MPDZ: variants seen among roughly 807,000 people sequenced by gnomAD.
The protein encoded by MPDZ is multiple PDZ domain protein.
MPDZ carries 234 observed loss-of-function variants against 239.1 expected under a neutral mutation model. That is an observed-to-expected ratio of 0.98 (90% CI 0.88 to 1.09). MPDZ has a LOEUF of 1.09. Ranked by LOEUF, MPDZ falls within the 50% of genes least tolerant of loss-of-function variation. MPDZ has a pLI of 0.00. For missense variants in MPDZ, 3,175 were observed against 2,510.0 expected, an observed-to-expected ratio of 1.26 and a Z score of -5.66; for synonymous variants, 1,048 against 881.3, an observed-to-expected ratio of 1.19 and a Z score of -3.35.
rs369089372 is a variant in MPDZ, at chr9:13,240,704, T to C, written c.183+6931A>G. ...TATGTTATACAAGCTAACCCCCAATTTCCTCACTGGATAAAATGAGGACAA... is the reference window on the plus strand; with the variant it reads ...TATGTTATACAAGCTAACCCCCAATCTCCTCACTGGATAAAATGAGGACAA... On this transcript the variant is annotated intron_variant, in intron 3 of 46. Coordinates refer to ENST00000319217, the MANE Select transcript of MPDZ (RefSeq NM_001378778.1). Among the ~76,000 whole-genome samples the C allele has an allele frequency of 2.6e-5, 4 of 151,696 alleles. No homozygotes were observed. In the East Asian group the frequency reaches 5.8e-4, roughly 22 times the overall value.
intron 12 of MPDZ, among the ~76,000 whole-genome samples, chr9:13,203,150 AT>A (rs1460112378): frequency 6.6e-6 from 1 of 152,216 alleles, no homozygotes; most frequent in Non-Finnish European, 1.5e-5. Flanking sequence ...ATGTACAATT[AT>A]TATAGGTCAA....
intron 1 of MPDZ, among the ~76,000 whole-genome samples, chr9:13,252,805 C>T (rs1968446042): frequency 6.6e-6 from 1 of 151,782 alleles, no homozygotes; most frequent in South Asian, 2.1e-4. Context: ...CCCAGGGCTA[C>T]AAAAGTATGT....
intron 18 of MPDZ, 79 bp from the exon 19 acceptor site, chr9:13,183,664 A>G: frequency 7.4e-7 from 1 of 1,344,164 alleles, no homozygotes; most frequent in Non-Finnish European, 1.0e-6. Context: ...TGAGACTAAA[A>G]GGCAAACTGG....
intron 30 of MPDZ, among the ~76,000 whole-genome samples, 168 bp from the exon 31 acceptor site, chr9:13,136,350 G>C (rs1430561045): frequency 6.5e-5 from 1 of 15,472 alleles, no homozygotes; most frequent in Non-Finnish European, 1.2e-4. Flanking sequence ...TTTTTTTTTT[G>C]AGACAGAGTC....
intron 4 of MPDZ, 132 bp downstream of exon 4, chr9:13,224,242 C>T (rs1587928460): frequency 1.2e-6 from 1 of 832,810 alleles, no homozygotes; most frequent in East Asian, 2.6e-5. Flanking sequence ...TAAACTCCCA[C>T]AAAACTGACT....
intron 3 of MPDZ, among the ~76,000 whole-genome samples, chr9:13,234,460 T>G (rs1234993004): frequency 6.6e-6 from 1 of 152,112 alleles, no homozygotes. Flanking sequence ...GGATCAAACT[T>G]TATTTCATAA....
chr9:13,268,022 G>A (rs1352610335), intron 1 of MPDZ, among the ~76,000 whole-genome samples: 1 of 152,004 alleles, frequency 6.6e-6, no homozygotes, highest in Non-Finnish European at 1.5e-5. Context: ...TGTAAGATAA[G>A]GTATTCAAAA....
intron 25 of MPDZ, among the ~76,000 whole-genome samples, chr9:13,148,135 CA>C (rs1948677988): frequency 1.3e-5 from 2 of 151,936 alleles, no homozygotes; most frequent in African/African-American, 4.8e-5. Context: ...TTCTGATATC[CA>C]GAAAAATCAG....
chr9:13,120,786 A>G (rs1171412493), intron 38 of MPDZ: 2 of 152,204 alleles, frequency 1.3e-5, no homozygotes, highest in Non-Finnish European at 2.9e-5. Flanking sequence ...TGAAATAAAG[A>G]TCACCATTTC....
rs766220806 is a variant in MPDZ, at chr9:13,190,228, C to G, written c.2040G>C (p.Ala680=). Residue 680 remains alanine (A), a synonymous_variant, in exon 16 of 47, where the codon GCG becomes GCC. Transcript: ENST00000319217. ...CTTGAACCTCTTCTGTACTCTGACC[C>G]GCATCAGTCATCGCCAGCACTGGAT... ...TEDPVLAMTD[A]GQSTEEVQAP... 1 of 1,612,808 alleles carries G rather than the reference C, an allele frequency of 6.2e-7. No individual in the cohort carries two copies. Among genetic ancestry groups the G allele is most frequent in the Non-Finnish European group, 8.5e-7 (1 of 1,179,404 alleles).
chr9:13,250,329 C>T lies in MPDZ; in HGVS notation c.-14G>A. On this transcript the variant is annotated 5_prime_UTR_variant, in exon 2 of 47. Coordinates refer to ENST00000319217, the MANE Select transcript of MPDZ (RefSeq NM_001378778.1). ...GGCTTCCAACATTTTTTTCAAAGTT[C>T]AGTGTTCTTCTCTGAAATGATTAAC... is the stretch of plus-strand genomic sequence containing the variant. 6.3e-7 allele frequency: 1 copy of T among 1,584,304 alleles called. No individual in the cohort carries two copies. Among genetic ancestry groups the T allele is most frequent in the East Asian group, 2.3e-5 (1 of 44,024 alleles).
At chr9:13,145,458 G>C (rs1281082000) in intron 26 of MPDZ, among the ~76,000 whole-genome samples, 1 of 151,908 alleles carries the variant, frequency 6.6e-6, no homozygotes, top group Admixed American at 6.6e-5. Context: ...TGGTTTTTCA[G>C]CTTATGTTTA....
intron 18 of MPDZ, among the ~76,000 whole-genome samples, chr9:13,184,926 T>C (rs1359794331): frequency 6.6e-6 from 1 of 151,990 alleles, no homozygotes; most frequent in African/African-American, 2.4e-5. Flanking sequence ...CACATAAAAG[T>C]GGAACTAATC....
intron 1 of MPDZ, among the ~76,000 whole-genome samples, chr9:13,270,757 G>T (rs748231763): frequency 1.4e-4 from 22 of 152,070 alleles, no homozygotes; most frequent in Non-Finnish European, 2.5e-4. Context: ...GGCCAGAGCT[G>T]ATCTAGAATG....
chr9:13,119,308 C>A lies in MPDZ; in HGVS notation c.5379+194G>T, dbSNP rs1240472130. Among the ~76,000 whole-genome samples, 9 of 152,206 alleles carry A rather than the reference C, an allele frequency of 5.9e-5. No individual in the cohort carries two copies. In the East Asian group the frequency reaches 1.5e-3, roughly 26 times the overall value. ...CCATGTTGCCAAGGCTGGTCTCGAA[C>A]CCCTAGTCTCAAGTGATCCACCTGC... On this transcript the variant is annotated intron_variant, in intron 39 of 46. Coordinates refer to ENST00000319217, the MANE Select transcript of MPDZ (RefSeq NM_001378778.1).
chr9:13,270,576 G>A (rs1277145722), intron 1 of MPDZ, among the ~76,000 whole-genome samples: 2 of 150,128 alleles, frequency 1.3e-5, no homozygotes, highest in Non-Finnish European at 3.0e-5. Flanking sequence ...TTTTAAGAAA[G>A]TAAAATATCT....
intron 3 of MPDZ, among the ~76,000 whole-genome samples, chr9:13,237,748 T>C (rs1964447291): frequency 6.6e-6 from 1 of 152,196 alleles, no homozygotes; most frequent in South Asian, 2.1e-4. Flanking sequence ...ATTAGAATTT[T>C]AGAACATCTG....
At chr9:13,219,480 T>C (rs1057325609) in intron 8 of MPDZ, 79 bp downstream of exon 8, 1 of 1,268,566 alleles carries the variant, frequency 7.9e-7, no homozygotes, top group African/African-American at 1.5e-5. Context: ...TTAGTAAGTC[T>C]AGTTTCTAAG....
chr9:13,243,264 TAAG>T (rs1227946516), intron 3 of MPDZ, among the ~76,000 whole-genome samples: 1 of 152,146 alleles, frequency 6.6e-6, no homozygotes, highest in Non-Finnish European at 1.5e-5. Flanking sequence ...TAAATGAATA[TAAG>T]AATATGAGCC....
Sources: allele counts gnomAD v4.1 joint callset (sites outside exome capture counted in the v4.1 genomes callset), GRCh38; gene constraint gnomAD v4.1.1; transcripts MANE v1.5; gene names NCBI Gene and HGNC (gene_info 2026-07-23, HGNC 2026-07-21).